The following DENND3 variants were observed in gnomAD, a reference collection of about 807,000 sequenced individuals.
The protein encoded by DENND3 is DENN domain-containing protein 3.
A neutral mutation model predicts 135.1 loss-of-function variants in DENND3; 88 were observed. The ratio of observed to expected loss-of-function variants is 0.65; its 90% confidence interval spans 0.55 to 0.78. DENND3 has a LOEUF of 0.78. Among genes scored for constraint, DENND3 ranks in the 30% least tolerant of loss-of-function variants. DENND3 has a pLI of 0.00. For synonymous variants in DENND3, 693 were observed against 712.3 expected, an observed-to-expected ratio of 0.97 and a Z score of 0.43; for missense variants, 1,392 against 1,688.4, an observed-to-expected ratio of 0.82 and a Z score of 3.08.
rs1398795280 is a variant in DENND3 at position 141,166,232 on chromosome 8, G to A, written c.1596G>A (p.Glu532=). The A allele has an allele frequency of 2.5e-6, 4 of 1,614,050 alleles. No homozygotes were observed. The highest frequency in any genetic ancestry group is 3.4e-6 in the Non-Finnish European group (4 of 1,180,050). Residue 532 remains glutamate, a synonymous_variant, in exon 12 of 23, where the codon GAG becomes GAA. Coordinates refer to ENST00000519811, the MANE Select transcript of DENND3 (RefSeq NM_001352890.3). This position sits in a 1 kb window ranked among gnomAD's most constrained non-coding sequence, Gnocchi z 4.3. ...MLLSPRRPTV[E]KRASRKSSHL... ...TAAGTCCAAGGAGACCGACCGTTGAGAAAAGAGCCTCCCGGAAGTCCTCGC... is the reference window on the plus strand; with the variant it reads ...TAAGTCCAAGGAGACCGACCGTTGAAAAAAGAGCCTCCCGGAAGTCCTCGC...
In DENND3 at chr8:141,166,719, T is replaced by C. The variant is rs1291541448; in HGVS notation, c.1753+330T>C. On this transcript the variant is annotated intron_variant, in intron 12 of 22. Transcript: ENST00000519811. The surrounding 1 kb of genome is among the most constrained non-coding windows in gnomAD (Gnocchi z 4.3). ...CATATTTACACATCCACACGTGTGA[T>C]AGGAGGCAGGGAGCGCACCAGGCAC... Among the ~76,000 whole-genome samples the C allele has an allele frequency of 2.0e-5, 3 of 152,182 alleles. No individual in the cohort carries two copies. Among genetic ancestry groups the C allele is most frequent in the Non-Finnish European group, 4.4e-5 (3 of 68,038 alleles).
In DENND3 at chr8:141,146,566, C is replaced by T. The variant is rs182187487; in HGVS notation, c.735+2307C>T. On this transcript the variant is annotated intron_variant, in intron 5 of 22. Transcript: ENST00000519811. This position sits in a 1 kb window ranked among gnomAD's most constrained non-coding sequence, Gnocchi z 4.3. Reference sequence around the variant, plus strand: ...TGTGCTAGTCCTCTGAAAGATTATACGTATTAATCTTGATCTTCTACATTT... The same window carrying T: ...TGTGCTAGTCCTCTGAAAGATTATATGTATTAATCTTGATCTTCTACATTT... 1.3e-3 allele frequency among the ~76,000 whole-genome samples: 191 copies of T among 152,268 alleles called. No homozygotes were observed. The highest frequency in any genetic ancestry group is 4.2e-3 in the African/African-American group (175 of 41,554).
chr8:141,191,677 C>G (rs903920579), intron 20 of DENND3: 2 of 152,430 alleles, frequency 1.3e-5, no homozygotes, highest in Non-Finnish European at 2.9e-5. Context: ...GTGCCCGGTG[C>G]CCGCTGACGC....
At position 141,182,034 on chromosome 8, in the gene DENND3, TA is replaced by T. The variant is rs1348009949; in HGVS notation, c.2944+1181del. Among the ~76,000 whole-genome samples, 1 of 152,146 alleles carries T rather than the reference TA, an allele frequency of 6.6e-6. No individual in the cohort carries two copies. The highest frequency in any genetic ancestry group is 2.4e-5 in the African/African-American group (1 of 41,436). On this transcript the variant is annotated intron_variant, in intron 17 of 22. Coordinates refer to ENST00000519811, the MANE Select transcript of DENND3 (RefSeq NM_001352890.3). The surrounding 1 kb of genome is among the most constrained non-coding windows in gnomAD (Gnocchi z 5.9). Reference sequence around the variant, plus strand: ...ATCTCGAACTCCTGGGCTCAAGCGATACCTCTCCACCTTGGCCTCCCGAAGC... The same window carrying T: ...ATCTCGAACTCCTGGGCTCAAGCGATCCTCTCCACCTTGGCCTCCCGAAGC...
Position 141,151,712 on chromosome 8 carries a change from C to G in DENND3, c.949C>G (p.Leu317Val). 1 of 1,614,190 alleles carries G rather than the reference C, an allele frequency of 6.2e-7. No homozygotes were observed. Among genetic ancestry groups the G allele is most frequent in the Non-Finnish European group, 8.5e-7 (1 of 1,180,042 alleles). The change falls in exon 7 of 23, where the codon CTG becomes GTG. Residue 317 changes from leucine to valine, a missense_variant. By Grantham distance (32) the Leu-to-Val change is conservative. Coordinates refer to ENST00000519811, the MANE Select transcript of DENND3 (RefSeq NM_001352890.3). ...TLVTECFMAY[L>V]YPLQWQHPFV... ...GGTCACTGAGTGCTTCATGGCCTAC[C>G]TGTATCCGCTGCAGTGGCAGCACCC...
chr8:141,192,888 A>G, intron 22 of DENND3: 1 of 1,497,534 alleles, frequency 6.7e-7, no homozygotes, highest in Non-Finnish European at 8.9e-7. Context: ...GCATTCCCCC[A>G]AACTGGATGG....
intron 1 of DENND3, among the ~76,000 whole-genome samples, chr8:141,134,870 G>C (rs558787590): frequency 1.3e-5 from 2 of 152,076 alleles, no homozygotes; most frequent in Non-Finnish European, 2.9e-5. Flanking sequence ...TTGCTCTGTC[G>C]CGCAGGCTGG....
In DENND3 at chr8:141,155,990, G is replaced by T. The variant is rs768220715; in HGVS notation, c.1196+20G>T. ...TCAGAGGTAACGGGAAACATTAATG[G>T]TATGAATTTCAGACCGTCTTTGTTC... On this transcript the variant is annotated intron_variant, in intron 8 of 22. Coordinates refer to ENST00000519811, the MANE Select transcript of DENND3 (RefSeq NM_001352890.3). 2 of 1,580,298 alleles carry T rather than the reference G, an allele frequency of 1.3e-6. No homozygotes were observed. The highest frequency in any genetic ancestry group is 1.7e-6 in the Non-Finnish European group (2 of 1,160,556).
intron 18 of DENND3, among the ~76,000 whole-genome samples, chr8:141,187,479 C>T (rs1212163756): frequency 1.3e-5 from 2 of 152,170 alleles, no homozygotes; most frequent in Non-Finnish European, 2.9e-5. Flanking sequence ...CCCGCCTCGG[C>T]CCCGCCAAAG....
In DENND3 at chr8:141,144,386, A is replaced by T; in HGVS notation, c.735+127A>T. 7 of 890,966 alleles carry T rather than the reference A, an allele frequency of 7.9e-6. No homozygotes were observed. Among genetic ancestry groups the T allele is most frequent in the Non-Finnish European group, 1.1e-5 (7 of 629,706 alleles). The allele number at this position is 890,966 out of a possible 1,614,324, so 55.2% of individuals were successfully genotyped here. ...GTTGTAAACCTAAAATAACATCCTA[A>T]CCCCCCCGCCTCCCCACAGCTGACT... On this transcript the variant is annotated intron_variant, in intron 5 of 22. Coordinates refer to ENST00000519811, the MANE Select transcript of DENND3 (RefSeq NM_001352890.3). This position sits in a 1 kb window ranked among gnomAD's most constrained non-coding sequence, Gnocchi z 4.4.
chr8:141,189,155 A>G lies in DENND3; in HGVS notation c.3245+9A>G, dbSNP rs769881997. The G allele has an allele frequency of 6.2e-7, 1 of 1,614,188 alleles. No homozygotes were observed. Among genetic ancestry groups the G allele is most frequent in the Non-Finnish European group, 8.5e-7 (1 of 1,180,014 alleles). ...GGACAGGAGGCACCCAGGTGCAGTA[A>G]GCTCTGCTGGGGAGAAGGGACTGTT... is the stretch of plus-strand genomic sequence containing the variant. On this transcript the variant is annotated intron_variant, in intron 19 of 22. Transcript: ENST00000519811.
At chr8:141,131,489 C>T (rs938413274) in intron 1 of DENND3, among the ~76,000 whole-genome samples, 1 of 152,204 alleles carries the variant, frequency 6.6e-6, no homozygotes. Flanking sequence ...AGTTCGTGTC[C>T]TCTCTTTGCA....
Position 141,144,249 on chromosome 8 carries a change from C to G in DENND3, c.725C>G (p.Pro242Arg). 6.2e-7 allele frequency: 1 copy of G among 1,610,970 alleles called. No homozygotes were observed. The highest frequency in any genetic ancestry group is 8.5e-7 in the Non-Finnish European group (1 of 1,179,082). The change falls in exon 5 of 23, where the codon CCG becomes CGG. Residue 242 changes from proline to arginine, a missense_variant. Pro to Arg is a moderately radical substitution (Grantham distance 103, BLOSUM62 -2). Coordinates refer to ENST00000519811, the MANE Select transcript of DENND3 (RefSeq NM_001352890.3). This position sits in a 1 kb window ranked among gnomAD's most constrained non-coding sequence, Gnocchi z 4.4. ...TTAATACCCAGCCCGCCACCTGGACCGCTCCATTTGGTAAAGTATATCTGA... is the reference window on the plus strand; with the variant it reads ...TTAATACCCAGCCCGCCACCTGGACGGCTCCATTTGGTAAAGTATATCTGA... ...LSLIPSPPPG[P>R]LHLVFNMKSL...
At chr8:141,190,746 A>C in intron 20 of DENND3, 1 of 239,002 alleles carries the variant, frequency 4.2e-6, no homozygotes, top group Non-Finnish European at 8.1e-6. Context: ...CCCCGGAGTC[A>C]TGGCTGCTCC....
intron 13 of DENND3, chr8:141,173,698 G>C (rs1043722059): frequency 1.4e-4 from 22 of 152,248 alleles, no homozygotes; most frequent in Admixed American, 8.5e-4. Context: ...GTCTTTTGCT[G>C]TTTCAGACTC....
Position 141,137,366 on chromosome 8 carries a change from T to C in DENND3, c.385+575T>C, listed in dbSNP as rs1159497891. 6.6e-6 allele frequency among the ~76,000 whole-genome samples: 1 copy of C among 152,246 alleles called. No individual in the cohort carries two copies. The highest frequency in any genetic ancestry group is 1.5e-5 in the Non-Finnish European group (1 of 68,048). On this transcript the variant is annotated intron_variant, in intron 2 of 22. Transcript: ENST00000519811. This position sits in a 1 kb window ranked among gnomAD's most constrained non-coding sequence, Gnocchi z 4.1. ...GAGAATTGAGTCCTGGAAGGGAGTC[T>C]GCATGAACTTCCAGGTAAAACCATT...
In DENND3 at chr8:141,182,940, A is replaced by G. The variant is rs1247232483; in HGVS notation, c.2944+2086A>G. On this transcript the variant is annotated intron_variant, in intron 17 of 22. Transcript: ENST00000519811. The surrounding 1 kb of genome is among the most constrained non-coding windows in gnomAD (Gnocchi z 5.9). Reference sequence around the variant, plus strand: ...CAGACCACTGGAATCGCACCCCAGAAAGACCGGGAGGCCTGCCCTTCTGGA... The same window carrying G: ...CAGACCACTGGAATCGCACCCCAGAGAGACCGGGAGGCCTGCCCTTCTGGA... Among the ~76,000 whole-genome samples the G allele has an allele frequency of 6.6e-6, 1 of 152,162 alleles. No homozygotes were observed. The highest frequency in any genetic ancestry group is 1.5e-5 in the Non-Finnish European group (1 of 68,020).
In DENND3 at chr8:141,176,276, C is replaced by A. The variant is rs887110820; in HGVS notation, c.2536-315C>A. 130 of 159,174 alleles carry A rather than the reference C, an allele frequency of 8.2e-4. 1 individual carries two copies. The highest frequency in any genetic ancestry group is 2.4e-3 in the South Asian group (19 of 7,908). The allele number at this position is 159,174 out of a possible 1,614,324, so 9.9% of individuals were successfully genotyped here. On this transcript the variant is annotated intron_variant, in intron 14 of 22. Coordinates refer to ENST00000519811, the MANE Select transcript of DENND3 (RefSeq NM_001352890.3). ...AAAGGGAGATGGAAGTAAAAAAAAA[C>A]AAAAACAAAACAAAAAAAAAAAAAC...
intron 6 of DENND3, 84 bp downstream of exon 6, chr8:141,151,037 G>A (rs1818744400): frequency 1.4e-6 from 2 of 1,432,336 alleles, no homozygotes; most frequent in Admixed American, 2.7e-5. Context: ...TGATGAAGAT[G>A]CGAGTTTATT....
Sources: allele counts gnomAD v4.1 joint callset (sites outside exome capture counted in the v4.1 genomes callset), GRCh38; gene constraint gnomAD v4.1.1; non-coding constraint Gnocchi (gnomAD v3.1); transcripts MANE v1.5; gene names NCBI Gene and HGNC (gene_info 2026-07-23, HGNC 2026-07-21).